CMTM8: variants seen among roughly 807,000 people sequenced by gnomAD.
CMTM8 encodes the protein CKLF-like MARVEL transmembrane domain-containing protein 8.
CMTM8 carries 12 observed loss-of-function variants against 18.6 expected under a neutral mutation model. The observed-to-expected ratio is 0.65, with a 90% confidence interval of 0.41 to 1.05. The LOEUF (loss-of-function observed/expected upper bound fraction) is 1.05, where lower values mean the gene tolerates loss of function less well. CMTM8 is among the 50% of genes least tolerant of loss of function. The probability of loss-of-function intolerance (pLI) is 0.00; values close to 1 mark genes in which losing one functional copy is unlikely to be tolerated. For missense variants in CMTM8, 217 were observed against 227.2 expected (o/e 0.95, Z 0.29); for synonymous variants, 87 against 90.6 (o/e 0.96, Z 0.23).
rs1031625372 is a variant in CMTM8 at position 32,351,457 on chromosome 3, C to G, written c.148-5916C>G. Among the ~76,000 whole-genome samples, 5 of 152,162 alleles carry G rather than the reference C, an allele frequency of 3.3e-5. No individual in the cohort carries two copies. In the South Asian group the frequency reaches 8.3e-4, roughly 25 times the overall value. ...GCATGGTGGTTCACACCTATAATCC[C>G]AGCACTTTGGGAGACCATGGCAGGA... On this transcript the variant is annotated intron_variant, in intron 1 of 3. Transcript: ENST00000307526.
In CMTM8 at chr3:32,274,137, C is replaced by T. The variant is rs183588825; in HGVS notation, c.147+35018C>T. 9.2e-5 allele frequency among the ~76,000 whole-genome samples: 14 copies of T among 152,032 alleles called. No homozygotes were observed. In the South Asian group the frequency reaches 2.5e-3, roughly 27 times the overall value. ...CCAGCCTGGGCAACATGGCAAGACCCGGTCTCTACAAAAATTACAGAAATT... is the reference window on the plus strand; with the variant it reads ...CCAGCCTGGGCAACATGGCAAGACCTGGTCTCTACAAAAATTACAGAAATT... On this transcript the variant is annotated intron_variant, in intron 1 of 3. Transcript: ENST00000307526.
chr3:32,240,584 C>A (rs1312173179), intron 1 of CMTM8, among the ~76,000 whole-genome samples: 1 of 152,256 alleles, frequency 6.6e-6, no homozygotes, highest in South Asian at 2.1e-4. Flanking sequence ...CTGTGTACTG[C>A]GCTTTTTCAG....
intron 1 of CMTM8, among the ~76,000 whole-genome samples, chr3:32,288,508 A>ATTT (rs111768575): frequency 3.9e-3 from 582 of 149,646 alleles, no homozygotes; most frequent in East Asian, 5.3e-3. Flanking sequence ...TACAGCTATC[A>ATTT]TTTTTTTTTT....
intron 1 of CMTM8, among the ~76,000 whole-genome samples, chr3:32,258,107 C>G (rs1702200422): frequency 6.6e-6 from 1 of 152,102 alleles, no homozygotes; most frequent in African/African-American, 2.4e-5. Context: ...CCCTCTCCAA[C>G]TTTGGTTATT....
intron 1 of CMTM8, among the ~76,000 whole-genome samples, chr3:32,276,309 C>T (rs1702517857): frequency 6.6e-6 from 1 of 152,192 alleles, no homozygotes; most frequent in South Asian, 2.1e-4. Context: ...CTCACCAAAC[C>T]AGAAGCAGCT....
chr3:32,346,815 T>C (rs1345698964), intron 1 of CMTM8, among the ~76,000 whole-genome samples: 1 of 16,826 alleles, frequency 5.9e-5, no homozygotes, highest in Non-Finnish European at 1.8e-4. Flanking sequence ...GTTATAATTC[T>C]TTTTTTTTTT....
chr3:32,362,111 G>A (rs6777546), intron 2 of CMTM8, among the ~76,000 whole-genome samples: 60,804 of 143,810 alleles, frequency 0.42, 12,919 homozygotes, highest in Middle Eastern at 0.64. Flanking sequence ...TGCAATCTCG[G>A]CTCACTACAC....
At chr3:32,259,200 C>T in intron 1 of CMTM8, 1 of 509,778 alleles carries the variant, frequency 2.0e-6, no homozygotes, top group Non-Finnish European at 3.7e-6. Context: ...GGAAGGAGAC[C>T]ACGCACAGCC....
intron 1 of CMTM8, among the ~76,000 whole-genome samples, chr3:32,341,974 A>G (rs1471404525): frequency 6.8e-6 from 1 of 146,152 alleles, no homozygotes; most frequent in African/African-American, 2.5e-5. Flanking sequence ...AAGGCTGGGC[A>G]TGGTGGCTCA....
chr3:32,322,606 G>T (rs1696078308), intron 1 of CMTM8, among the ~76,000 whole-genome samples: 1 of 152,120 alleles, frequency 6.6e-6, no homozygotes, highest in Admixed American at 6.5e-5. Flanking sequence ...ATGTATGGTG[G>T]CAGTGGGAAG....
At chr3:32,287,247 A>G (rs1303264401) in intron 1 of CMTM8, among the ~76,000 whole-genome samples, 2 of 152,246 alleles carry the variant, frequency 1.3e-5, no homozygotes. Flanking sequence ...AGGTAAGATC[A>G]TCTACATTCT....
chr3:32,349,078 G>T (rs1559386466), intron 1 of CMTM8, among the ~76,000 whole-genome samples: 1 of 151,840 alleles, frequency 6.6e-6, no homozygotes, highest in Non-Finnish European at 1.5e-5. Context: ...ATGATTTTGG[G>T]GTGGGAAATG....
intron 1 of CMTM8, among the ~76,000 whole-genome samples, chr3:32,336,833 A>G (rs79637562): frequency 0.068 from 10,264 of 151,302 alleles, 377 homozygotes; most frequent in African/African-American, 0.098. Flanking sequence ...TCACCAAAAC[A>G]GAAGGAAATT....
Position 32,361,286 on chromosome 3 carries a change from G to GTTTGTTTTTTTTTTGTTT in CMTM8, c.321+3743_321+3744insGTTTTTTTTTTGTTTTTT, listed in dbSNP as rs140270969. Among the ~76,000 whole-genome samples the GTTTGTTTTTTTTTTGTTT allele has an allele frequency of 2.8e-4, 24 of 87,270 alleles. 1 individual carries two copies. The highest frequency in any genetic ancestry group is 8.4e-4 in the African/African-American group (21 of 24,984). The allele number at this position is 87,270 out of a possible 152,430, so 57.3% of individuals were successfully genotyped here. On this transcript the variant is annotated intron_variant, in intron 2 of 3. Coordinates refer to ENST00000307526, the MANE Select transcript of CMTM8 (RefSeq NM_178868.5). ...GTGAGCCACGGCGCCCAGCCTAAGA[G>GTTTGTTTTTTTTTTGTTT]TTTTTTTTTCTTTCAAATTTTGGAA...
At chr3:32,329,342 A>T (rs1176019694) in intron 1 of CMTM8, among the ~76,000 whole-genome samples, 1 of 152,236 alleles carries the variant, frequency 6.6e-6, no homozygotes, top group Non-Finnish European at 1.5e-5. Context: ...CTGGGATTAC[A>T]GGAGTGAGCC....
chr3:32,273,839 T>A (rs1192130621), intron 1 of CMTM8, among the ~76,000 whole-genome samples: 1 of 152,186 alleles, frequency 6.6e-6, no homozygotes, highest in East Asian at 1.9e-4. Context: ...TTTTATGATG[T>A]ATGCATTATA....
At chr3:32,322,377 T>A (rs1460150126) in intron 1 of CMTM8, among the ~76,000 whole-genome samples, 1 of 152,214 alleles carries the variant, frequency 6.6e-6, no homozygotes, top group Non-Finnish European at 1.5e-5. Context: ...TTGGAGTCAG[T>A]GAGGAGCAGG....
chr3:32,337,990 TTTTTTTTA>T (rs1188180590), intron 1 of CMTM8, among the ~76,000 whole-genome samples: 1 of 144,862 alleles, frequency 6.9e-6, no homozygotes, highest in African/African-American at 2.6e-5. Flanking sequence ...TTTTTTTTTT[TTTTTTTTA>T]AATTGAGATG....
intron 1 of CMTM8, among the ~76,000 whole-genome samples, chr3:32,278,179 C>G (rs1265048690): frequency 6.6e-6 from 1 of 152,174 alleles, no homozygotes; most frequent in Non-Finnish European, 1.5e-5. Context: ...AAGATCCAAC[C>G]TGGAAGTTAC....
Sources: gnomAD v4.1 joint callset for allele counts (sites outside exome capture counted in the v4.1 genomes callset) on GRCh38, gnomAD v4.1.1 for gene constraint, MANE v1.5 for transcripts, NCBI Gene and HGNC (gene_info 2026-07-23, HGNC 2026-07-21) for gene names.